The following WDR41 variants were observed in gnomAD, a reference collection of about 807,000 sequenced individuals.
WDR41 encodes the protein WD repeat-containing protein 41.
WDR41 carries 63 observed loss-of-function variants against 69.3 expected under a neutral mutation model. That is an observed-to-expected ratio of 0.91 (90% confidence interval 0.74 to 1.12). WDR41 has a LOEUF of 1.12. Among genes scored for constraint, WDR41 ranks in the 50% most tolerant of loss-of-function variants. The probability of loss-of-function intolerance (pLI) is 0.00; values close to 1 mark genes in which losing one functional copy is unlikely to be tolerated. For missense variants in WDR41, 543 were observed against 534.5 expected (o/e 1.02, Z -0.16); for synonymous variants, 185 against 192.1 (o/e 0.96, Z 0.31).
At chr5:77,507,453 GTCA>G (rs1191037826) in intron 1 of WDR41, among the ~76,000 whole-genome samples, 2 of 152,060 alleles carry the variant, frequency 1.3e-5, no homozygotes, top group Non-Finnish European at 2.9e-5. Context: ...GTTGTCTCGT[GTCA>G]TCATTTTGCA....
intron 1 of WDR41, among the ~76,000 whole-genome samples, chr5:77,614,638 G>C (rs1208249540): frequency 6.9e-5 from 9 of 130,714 alleles, no homozygotes; most frequent in African/African-American, 2.3e-4. Context: ...ACACTCTGGG[G>C]ACTGTTGTGG....
chr5:77,460,697 C>T (rs1235620590), intron 4 of WDR41, among the ~76,000 whole-genome samples: 1 of 87,950 alleles, frequency 1.1e-5, no homozygotes, highest in Non-Finnish European at 3.3e-5. Flanking sequence ...TTTTCATATA[C>T]ACCTTATACA....
At chr5:77,512,331 TGAGAGAGAGA>T (rs764631325) in intron 1 of WDR41, among the ~76,000 whole-genome samples, 1 of 87,934 alleles carries the variant, frequency 1.1e-5, no homozygotes, top group Non-Finnish European at 2.2e-5. Flanking sequence ...ATGGGGTGAG[TGAGAGAGAGA>T]GAGAGAGAGA....
intron 1 of WDR41, among the ~76,000 whole-genome samples, chr5:77,604,743 A>G (rs942111863): frequency 1.3e-5 from 2 of 152,184 alleles, no homozygotes; most frequent in African/African-American, 4.8e-5. Flanking sequence ...GACCTAAATG[A>G]TCACCAATAG....
intron 1 of WDR41, chr5:77,582,441 A>G: frequency 1.2e-6 from 2 of 1,606,408 alleles, no homozygotes; most frequent in East Asian, 4.5e-5. Flanking sequence ...AGAAAAAGCG[A>G]AGGAATTTCG....
chr5:77,521,799 A>C (rs1802373955), intron 1 of WDR41, among the ~76,000 whole-genome samples: 1 of 152,210 alleles, frequency 6.6e-6, no homozygotes, highest in South Asian at 2.1e-4. Flanking sequence ...CTGCCCCCAG[A>C]AGGGTATATT....
intron 2 of WDR41, among the ~76,000 whole-genome samples, chr5:77,478,634 G>A (rs1801080117): frequency 6.6e-6 from 1 of 152,118 alleles, no homozygotes; most frequent in East Asian, 1.9e-4. Flanking sequence ...AACACTTCAT[G>A]CTAAAAATTC....
intron 2 of WDR41, among the ~76,000 whole-genome samples, chr5:77,478,591 C>T (rs185567169): frequency 0.071 from 10,833 of 152,086 alleles, 797 homozygotes; most frequent in East Asian, 0.26. Flanking sequence ...ATTATCTCAA[C>T]AGATGCAGAA....
intron 12 of WDR41, among the ~76,000 whole-genome samples, chr5:77,434,129 A>C (rs1238680769): frequency 6.6e-6 from 1 of 152,152 alleles, no homozygotes; most frequent in African/African-American, 2.4e-5. Context: ...CAGGAGTTTA[A>C]GGCCAGCCTG....
intron 1 of WDR41, among the ~76,000 whole-genome samples, chr5:77,516,758 C>T (rs559676286): frequency 4.9e-4 from 74 of 152,222 alleles, no homozygotes; most frequent in African/African-American, 1.6e-3. Context: ...GTGGCTCACG[C>T]CTGTAATCCT....
At chr5:77,616,721 A>T (rs890710441) in intron 1 of WDR41, among the ~76,000 whole-genome samples, 1 of 152,180 alleles carries the variant, frequency 6.6e-6, no homozygotes, top group Non-Finnish European at 1.5e-5. Context: ...AAACATTTAC[A>T]TACAGATACA....
At chr5:77,614,603 A>T (rs1744638218) in intron 1 of WDR41, among the ~76,000 whole-genome samples, 1 of 139,532 alleles carries the variant, frequency 7.2e-6, no homozygotes, top group Non-Finnish European at 1.5e-5. Flanking sequence ...CAATGAGAAC[A>T]CATGGACACA....
chr5:77,595,810 C>T (rs1292586907), intron 1 of WDR41, among the ~76,000 whole-genome samples: 1 of 152,022 alleles, frequency 6.6e-6, no homozygotes, highest in East Asian at 1.9e-4. Flanking sequence ...TCTCTTTCAT[C>T]CGTGGCGTCC....
intron 1 of WDR41, among the ~76,000 whole-genome samples, chr5:77,585,069 A>G (rs1476116641): frequency 6.6e-6 from 1 of 152,236 alleles, no homozygotes; most frequent in East Asian, 1.9e-4. Context: ...TTCACAATCT[A>G]TACATCTGAC....
upstream of WDR41, among the ~76,000 whole-genome samples, chr5:77,493,775 G>T (rs2112139869): frequency 6.6e-6 from 1 of 152,296 alleles, no homozygotes; most frequent in Non-Finnish European, 1.5e-5. Flanking sequence ...GAGACAATGT[G>T]GTTGCCCAAA....
intron 1 of WDR41, among the ~76,000 whole-genome samples, chr5:77,600,982 G>A (rs1437268628): frequency 2.0e-5 from 3 of 149,380 alleles, no homozygotes; most frequent in Non-Finnish European, 4.5e-5. Context: ...TAAACAGTGT[G>A]TATCTAGTCA....
intron 2 of WDR41, among the ~76,000 whole-genome samples, chr5:77,481,385 G>A (rs1801251827): frequency 6.6e-6 from 1 of 152,288 alleles, no homozygotes; most frequent in East Asian, 1.9e-4. Flanking sequence ...AGGTAAGCCT[G>A]TATCTGAATG....
chr5:77,554,798 T>C (rs1743361601), intron 1 of WDR41, among the ~76,000 whole-genome samples: 2 of 152,044 alleles, frequency 1.3e-5, no homozygotes, highest in Admixed American at 6.6e-5. Context: ...ACAGTGGTAG[T>C]GGATACAAGA....
chr5:77,432,995 C>CA lies in WDR41; in HGVS notation c.*139dup, dbSNP rs1422731966. 4.2e-6 allele frequency: 4 copies of CA among 962,358 alleles called. No homozygotes were observed. The African/African-American group carries it at 5.0e-5, about 12-fold the overall frequency. The allele number at this position is 962,358 out of a possible 1,614,324, so 59.6% of individuals were successfully genotyped here. A position where few individuals can be genotyped will look rare whatever the true frequency, so the allele number is the denominator to read the frequency against. On this transcript the variant is annotated 3_prime_UTR_variant, in exon 13 of 13. Transcript: ENST00000296679. ...AACATGTTCCTGGTTGGTAGGTCCACAAAAAATTTAAACATGTAGAATTTT... is the reference window on the plus strand; with the variant it reads ...AACATGTTCCTGGTTGGTAGGTCCACAAAAAAATTTAAACATGTAGAATTTT...
Sources: allele counts gnomAD v4.1 joint callset (sites outside exome capture counted in the v4.1 genomes callset), GRCh38; gene constraint gnomAD v4.1.1; transcripts MANE v1.5; gene names NCBI Gene and HGNC (gene_info 2026-07-23, HGNC 2026-07-21).